Variants in LHFPL3 observed in about 807,000 individuals in gnomAD.
LHFPL3 encodes LHFPL tetraspan subfamily member 3, also known as LHFPL tetraspan subfamily member 3 protein.
In LHFPL3, 5 loss-of-function variants were observed where a neutral mutation model predicts 19.3. The ratio of observed to expected loss-of-function variants is 0.26; its 90% CI spans 0.14 to 0.54. The LOEUF (loss-of-function observed/expected upper bound fraction) is 0.54, where lower values mean the gene tolerates loss of function less well. Ranked by LOEUF, LHFPL3 falls within the 20% of genes least tolerant of loss-of-function variation. The probability of loss-of-function intolerance (pLI) is 0.94; values close to 1 mark genes in which losing one functional copy is unlikely to be tolerated. For missense variants in LHFPL3, 249 were observed against 307.4 expected, an observed-to-expected ratio of 0.81 and a Z score of 1.42; for synonymous variants, 133 against 126.2, an observed-to-expected ratio of 1.05 and a Z score of -0.36.
chr7:104,536,111 T>G (rs1157091274), intron 1 of LHFPL3, among the ~76,000 whole-genome samples: 2 of 152,204 alleles, frequency 1.3e-5, no homozygotes, highest in African/African-American at 2.4e-5. Flanking sequence ...ACTTTGTAAT[T>G]ATAAGGGAGA....
chr7:104,358,132 T>A (rs1790319543), intron 1 of LHFPL3, among the ~76,000 whole-genome samples: 1 of 152,122 alleles, frequency 6.6e-6, no homozygotes, highest in Admixed American at 6.5e-5. Context: ...ACATTTACTG[T>A]GGATTTGTGG....
intron 1 of LHFPL3, among the ~76,000 whole-genome samples, chr7:104,500,098 G>T (rs888972683): frequency 6.6e-6 from 1 of 152,160 alleles, no homozygotes; most frequent in Admixed American, 6.5e-5. Flanking sequence ...GATTCAGTCC[G>T]AGAAGAGATG....
chr7:104,614,518 A>G (rs73181804), intron 1 of LHFPL3, among the ~76,000 whole-genome samples: 6,683 of 152,052 alleles, frequency 0.044, 170 homozygotes, highest in African/African-American at 0.063. Flanking sequence ...AGTTCTGAAT[A>G]GGCCCACTTT....
chr7:104,807,019 G>GTGTGTA (rs1790373870), intron 2 of LHFPL3, among the ~76,000 whole-genome samples: 1 of 78,056 alleles, frequency 1.3e-5, no homozygotes, highest in Admixed American at 1.2e-4. Context: ...ATATGTGTGT[G>GTGTGTA]TGTGTGTGTG....
At chr7:104,766,028 C>T (rs1187445735) in intron 2 of LHFPL3, among the ~76,000 whole-genome samples, 1 of 152,242 alleles carries the variant, frequency 6.6e-6, no homozygotes, top group Non-Finnish European at 1.5e-5. Flanking sequence ...ATTTGCTAAA[C>T]CCTGCTGTAT....
intron 1 of LHFPL3, among the ~76,000 whole-genome samples, chr7:104,357,203 T>C (rs959631765): frequency 9.2e-5 from 14 of 152,214 alleles, no homozygotes; most frequent in Non-Finnish European, 1.9e-4. Context: ...AGCTAAGTAG[T>C]AAAGACATCC....
intron 1 of LHFPL3, among the ~76,000 whole-genome samples, chr7:104,419,989 C>CAAA (rs201327428): frequency 5.3e-5 from 8 of 152,220 alleles, no homozygotes; most frequent in African/African-American, 1.7e-4. Flanking sequence ...ACAACAACAA[C>CAAA]AAAAAACAGT....
chr7:104,570,055 T>A (rs543099366), intron 1 of LHFPL3, among the ~76,000 whole-genome samples: 46 of 152,378 alleles, frequency 3.0e-4, no homozygotes, highest in African/African-American at 1.0e-3. Context: ...CTCAAATACA[T>A]CTGCTCTTAC....
At chr7:104,548,228 G>A (rs995646364) in intron 1 of LHFPL3, among the ~76,000 whole-genome samples, 1 of 151,948 alleles carries the variant, frequency 6.6e-6, no homozygotes, top group African/African-American at 2.4e-5. Flanking sequence ...TTGATTTCTT[G>A]TTTTATTTTA....
chr7:104,330,228 A>T (rs764020518), intron 1 of LHFPL3, among the ~76,000 whole-genome samples: 9 of 152,128 alleles, frequency 5.9e-5, no homozygotes, highest in Non-Finnish European at 1.0e-4. Flanking sequence ...CTCCCTTCTA[A>T]AGTCAAGGGT....
At chr7:104,333,780 G>A (rs1290788471) in intron 1 of LHFPL3, among the ~76,000 whole-genome samples, 1 of 152,154 alleles carries the variant, frequency 6.6e-6, no homozygotes, top group African/African-American at 2.4e-5. Flanking sequence ...TGAAATTACA[G>A]CACATTTCCA....
At chr7:104,669,319 G>T in intron 1 of LHFPL3, 1 of 1,613,876 alleles carries the variant, frequency 6.2e-7, no homozygotes, top group Admixed American at 1.7e-5. Flanking sequence ...AAGGAAAGAT[G>T]AAAATAAAGT....
chr7:104,849,533 GATTA>G (rs71993984), intron 2 of LHFPL3, among the ~76,000 whole-genome samples: 15,744 of 152,204 alleles, frequency 0.1, 1,733 homozygotes, highest in East Asian at 0.43. Flanking sequence ...ACATGCGGCA[GATTA>G]ATTAATAAGA....
At chr7:104,698,004 A>C (rs966592271) in intron 1 of LHFPL3, among the ~76,000 whole-genome samples, 1 of 152,184 alleles carries the variant, frequency 6.6e-6, no homozygotes, top group Non-Finnish European at 1.5e-5. Context: ...TGGAAGGAAA[A>C]ACCTAAATAA....
At position 104,906,294 on chromosome 7, in the gene LHFPL3, A is replaced by C; in HGVS notation, c.*79A>C. The C allele has an allele frequency of 1.4e-6, 2 of 1,470,926 alleles. No individual in the cohort carries two copies. Among genetic ancestry groups the C allele is most frequent in the Admixed American group, 1.9e-5 (1 of 52,128 alleles). 91.1% of individuals were successfully genotyped at this position (1,470,926 alleles called of 1,614,324 possible). A position where few individuals can be genotyped will look rare whatever the true frequency, so the allele number is the denominator to read the frequency against. Reference sequence around the variant, plus strand: ...CGAATAACAGCTTTTGTACATCAACATCAAGAAGGAATACGCCTGAGAGAG... The same window carrying C: ...CGAATAACAGCTTTTGTACATCAACCTCAAGAAGGAATACGCCTGAGAGAG... On this transcript the variant is annotated 3_prime_UTR_variant, in exon 3 of 3. Transcript: ENST00000424859.
intron 2 of LHFPL3, among the ~76,000 whole-genome samples, chr7:104,787,452 A>T (rs1414371040): frequency 6.6e-6 from 1 of 152,210 alleles, no homozygotes; most frequent in Non-Finnish European, 1.5e-5. Flanking sequence ...GGGAAGTCCA[A>T]GATTAAGGCA....
intron 1 of LHFPL3, among the ~76,000 whole-genome samples, chr7:104,396,508 G>T (rs1480809286): frequency 1.3e-5 from 2 of 151,982 alleles, no homozygotes; most frequent in African/African-American, 4.8e-5. Context: ...GGTTCCTCAA[G>T]GAAAGGATAA....
chr7:104,634,788 C>G (rs1423612458), intron 1 of LHFPL3, among the ~76,000 whole-genome samples: 1 of 152,170 alleles, frequency 6.6e-6, no homozygotes, highest in East Asian at 1.9e-4. Context: ...CTGTGAAGCC[C>G]TTTAGTATAC....
intron 2 of LHFPL3, among the ~76,000 whole-genome samples, chr7:104,750,656 C>A (rs889879575): frequency 6.6e-6 from 1 of 152,234 alleles, no homozygotes; most frequent in Admixed American, 6.5e-5. Flanking sequence ...AGCAGAGAGA[C>A]TGCTTGTATA....
Sources: gnomAD v4.1 joint callset for allele counts (sites outside exome capture counted in the v4.1 genomes callset) on GRCh38, gnomAD v4.1.1 for gene constraint, MANE v1.5 for transcripts, NCBI Gene and HGNC (gene_info 2026-07-23, HGNC 2026-07-21) for gene names.